APELA: variants seen among roughly 807,000 people sequenced by gnomAD.
APELA encodes apelin receptor early endogenous ligand.
At chr4:164,891,141 A>C (rs1730874884) in intron 2 of APELA, among the ~76,000 whole-genome samples, 1 of 152,134 alleles carries the variant, frequency 6.6e-6, no homozygotes, top group Non-Finnish European at 1.5e-5. Flanking sequence ...CAGGGCCCTT[A>C]TCTGAAATAT....
chr4:164,897,734 C>T (rs1731002365), downstream of APELA, among the ~76,000 whole-genome samples: 1 of 152,156 alleles, frequency 6.6e-6, no homozygotes, highest in Non-Finnish European at 1.5e-5. Flanking sequence ...CTCTCAAAGT[C>T]TACCAAAACA....
intron 2 of APELA, among the ~76,000 whole-genome samples, chr4:164,885,203 T>A (rs1249162227): frequency 6.6e-6 from 1 of 152,150 alleles, no homozygotes; most frequent in Non-Finnish European, 1.5e-5. Flanking sequence ...TGATCTCAGC[T>A]CACTGCAGCC....
In APELA at chr4:164,895,615, G is replaced by A. The variant is rs983902354; in HGVS notation, c.*201G>A. 7 of 152,126 alleles carry A rather than the reference G, an allele frequency of 4.6e-5. No individual in the cohort carries two copies. The highest frequency in any genetic ancestry group is 1.7e-4 in the African/African-American group (7 of 41,420). The allele number at this position is 152,126 out of a possible 1,614,324, so 9.4% of individuals were successfully genotyped here. ...ATTCTTCTTGGCTTCTATTTGGAGG[G>A]AAAATAACATAAATTCAAAAGGATT... On this transcript the variant is annotated 3_prime_UTR_variant, in exon 3 of 3. Transcript: ENST00000507152.
At chr4:164,884,121 G>GAGAAAGAAAGAAAAGAAAGAA (rs1730718467) in intron 2 of APELA, among the ~76,000 whole-genome samples, 1 of 113,290 alleles carries the variant, frequency 8.8e-6, no homozygotes, top group African/African-American at 3.7e-5. Flanking sequence ...AAGAAAGAAA[G>GAGAAAGAAAGAAAAGAAAGAA]AGAAAGAAAG....
At chr4:164,878,145 AG>A (rs200867105) in intron 1 of APELA, among the ~76,000 whole-genome samples, 2,439 of 150,574 alleles carry the variant, frequency 0.016, 59 homozygotes, top group African/African-American at 0.056. Context: ...GAAAAAAAAA[AG>A]AAAGAAAAGA....
Position 164,896,580 on chromosome 4 carries a change from T to C in APELA, c.*1166T>C, listed in dbSNP as rs566188931. ...GTGTTCATCCTGAGATGCTGAGACA[T>C]GGAAATAAAAAATCAGAAGGAATTT... On this transcript the variant is annotated 3_prime_UTR_variant, in exon 3 of 3. Transcript: ENST00000507152. 6.6e-6 allele frequency: 1 copy of C among 152,028 alleles called. No individual in the cohort carries two copies. Among genetic ancestry groups the C allele is most frequent in the East Asian group, 1.9e-4 (1 of 5,168 alleles). The allele number at this position is 152,028 out of a possible 1,614,324, so 9.4% of individuals were successfully genotyped here.
In APELA at chr4:164,886,827, C is replaced by CT. The variant is rs112300127; in HGVS notation, c.*1+7828dup. 1.9e-3 allele frequency among the ~76,000 whole-genome samples: 282 copies of CT among 147,354 alleles called. 2 individuals carry two copies. The Middle Eastern group carries it at 0.025, about 13-fold the overall frequency. ...TCAAAGTTTTCTTTTCTTTTCTTTT[C>CT]TTTTTTTTTTGGGACAGAGTTCCAC... is the stretch of plus-strand genomic sequence containing the variant. On this transcript the variant is annotated intron_variant, in intron 2 of 2. Coordinates refer to ENST00000507152, the MANE Select transcript of APELA (RefSeq NM_001297550.2).
At chr4:164,881,798 GC>G (rs1293831045) in intron 2 of APELA, among the ~76,000 whole-genome samples, 1 of 151,914 alleles carries the variant, frequency 6.6e-6, no homozygotes, top group Non-Finnish European at 1.5e-5. Context: ...ACTTTGGGAG[GC>G]AGAGGTAGGT....
At position 164,889,641 on chromosome 4, in the gene APELA, T is replaced by C. The variant is rs185606625; in HGVS notation, c.*2-5775T>C. ...TAGGTAAACGTGTGCCATGGTGGTT[T>C]CTTGCACCTATCAACCGTCACCTAG... On this transcript the variant is annotated intron_variant, in intron 2 of 2. Coordinates refer to ENST00000507152, the MANE Select transcript of APELA (RefSeq NM_001297550.2). Among the ~76,000 whole-genome samples, 281 of 152,328 alleles carry C rather than the reference T, an allele frequency of 1.8e-3. 2 individuals are homozygous for C. The highest frequency in any genetic ancestry group is 6.2e-3 in the African/African-American group (259 of 41,564).
intron 2 of APELA, among the ~76,000 whole-genome samples, chr4:164,894,388 T>A (rs977457960): frequency 3.3e-5 from 5 of 151,756 alleles, no homozygotes; most frequent in Non-Finnish European, 5.9e-5. Context: ...CACACATATA[T>A]ATTTTTTCTT....
At chr4:164,885,260 A>G (rs995762338) in intron 2 of APELA, among the ~76,000 whole-genome samples, 4 of 152,062 alleles carry the variant, frequency 2.6e-5, no homozygotes, top group Admixed American at 6.6e-5. Flanking sequence ...CCTCTCAAGT[A>G]GCTGGCATTA....
intron 2 of APELA, among the ~76,000 whole-genome samples, chr4:164,883,768 G>A (rs766412523): frequency 2.2e-4 from 34 of 151,910 alleles, no homozygotes; most frequent in East Asian, 1.4e-3. Flanking sequence ...TTACAGGCAT[G>A]AGCCACTGTG....
intron 2 of APELA, among the ~76,000 whole-genome samples, chr4:164,882,079 A>G (rs1230187260): frequency 6.6e-6 from 1 of 151,844 alleles, no homozygotes; most frequent in African/African-American, 2.4e-5. Context: ...CCGTCAATAC[A>G]TACTCTACTA....
At chr4:164,882,897 C>G (rs769226021) in intron 2 of APELA, among the ~76,000 whole-genome samples, 9 of 152,124 alleles carry the variant, frequency 5.9e-5, no homozygotes, top group Non-Finnish European at 1.2e-4. Flanking sequence ...CCAGCTTCAT[C>G]CATGTCCCTA....
chr4:164,878,596 T>C (rs758745231), intron 1 of APELA, among the ~76,000 whole-genome samples: 10 of 152,186 alleles, frequency 6.6e-5, no homozygotes, highest in Non-Finnish European at 1.3e-4. Flanking sequence ...TTGTGATTAA[T>C]TTACTACATA....
intron 2 of APELA, among the ~76,000 whole-genome samples, chr4:164,886,677 G>T (rs1185525489): frequency 6.6e-6 from 1 of 152,026 alleles, no homozygotes; most frequent in Non-Finnish European, 1.5e-5. Flanking sequence ...ATGCCTTAAT[G>T]ATGAATATAT....
chr4:164,893,879 A>G (rs1730924397), intron 2 of APELA, among the ~76,000 whole-genome samples: 1 of 151,170 alleles, frequency 6.6e-6, no homozygotes, highest in African/African-American at 2.4e-5. Context: ...TATATGTCCC[A>G]TGTCTTTTTT....
chr4:164,883,902 G>C (rs1730708695), intron 2 of APELA, among the ~76,000 whole-genome samples: 1 of 123,150 alleles, frequency 8.1e-6, no homozygotes. Context: ...TGTCAACACT[G>C]ATCTATTTTG....
rs141307249 is a variant in APELA at position 164,883,402 on chromosome 4, T to G, written c.*1+4393T>G. On this transcript the variant is annotated intron_variant, in intron 2 of 2. Transcript: ENST00000507152. ...TACTTCAAGTGAAATAGGAGGTCAT[T>G]AAGCCTCAAAATCCAACCTCGCCCT... Among the ~76,000 whole-genome samples, 236 of 152,208 alleles carry G rather than the reference T, an allele frequency of 1.6e-3. 3 individuals are homozygous for G. The East Asian group carries it at 0.016, about 10-fold the overall frequency.
Sources: allele counts gnomAD v4.1 joint callset (sites outside exome capture counted in the v4.1 genomes callset), GRCh38; gene constraint gnomAD v4.1.1; transcripts MANE v1.5; gene names NCBI Gene and HGNC (gene_info 2026-07-23, HGNC 2026-07-21).